The following MRRF variants were observed in gnomAD, a reference collection of about 807,000 sequenced individuals.
MRRF encodes ribosome-recycling factor, mitochondrial.
Under a neutral mutation model 25.1 loss-of-function variants are expected in MRRF, and 18 were observed. That is an observed-to-expected ratio of 0.72 (90% CI 0.50 to 1.06). The LOEUF (loss-of-function observed/expected upper bound fraction) is 1.06, where lower values mean the gene tolerates loss of function less well. MRRF is among the 50% of genes least tolerant of loss of function. The pLI is 0.00. For synonymous variants in MRRF, 113 were observed against 112.1 expected, an observed-to-expected ratio of 1.01 and a Z score of -0.05; for missense variants, 323 against 319.3, an observed-to-expected ratio of 1.01 and a Z score of -0.09.
chr9:122,287,080 C>T (rs974804865), intron 4 of MRRF, among the ~76,000 whole-genome samples: 7 of 152,206 alleles, frequency 4.6e-5, no homozygotes, highest in East Asian at 1.9e-4. Flanking sequence ...ATGGCTTAAA[C>T]GTCACTTTCT....
chr9:122,308,926 G>A (rs1223734941), intron 5 of MRRF, among the ~76,000 whole-genome samples: 1 of 152,066 alleles, frequency 6.6e-6, no homozygotes, highest in African/African-American at 2.4e-5. Flanking sequence ...TTGTATTTTA[G>A]TCATTTTTTA....
rs1832412793 is a variant in MRRF, at chr9:122,270,962, G to C, written c.71G>C (p.Arg24Thr). ...TFRNYLAASI[R>T]PVSEVTLKTV... ...CGCAATTATCTTGCAGCCTCTATCA[G>C]ACCCGTTTCAGAAGTTACACTGAAG... Residue 24 changes from arginine (R) to threonine (T), a missense_variant, in exon 2 of 7, where the codon AGA (arginine) becomes ACA (threonine). Physicochemically the swap from Arg to Thr is moderately conservative, Grantham distance 71 (BLOSUM62 -1). Transcript: ENST00000344641. 6.2e-7 allele frequency: 1 copy of C among 1,614,014 alleles called. No homozygotes were observed. Among genetic ancestry groups the C allele is most frequent in the South Asian group, 1.1e-5 (1 of 91,086 alleles).
intron 4 of MRRF, among the ~76,000 whole-genome samples, chr9:122,289,081 A>G (rs1216081207): frequency 6.6e-6 from 1 of 152,214 alleles, no homozygotes; most frequent in Admixed American, 6.5e-5. Context: ...GAACATGACT[A>G]ATTCCCTGAG....
At chr9:122,266,869 C>T (rs180754411) in intron 1 of MRRF, among the ~76,000 whole-genome samples, 41 of 151,374 alleles carry the variant, frequency 2.7e-4, no homozygotes, top group South Asian at 4.2e-4. Flanking sequence ...GTCAGGGGGT[C>T]GAGACCATCC....
Position 122,322,705 on chromosome 9 carries a change from TACACAGAAG to T in MRRF, c.*91_*99del. On this transcript the variant is annotated 3_prime_UTR_variant, in exon 7 of 7. Coordinates refer to ENST00000344641, the MANE Select transcript of MRRF (RefSeq NM_138777.5). ...TTGGGACTTCTCTCCCTCCCCCATC[TACACAGAAG>T]ACTGTCACCATGCTGACAGAAGCCT... 8.7e-7 allele frequency: 1 copy of T among 1,150,150 alleles called. No homozygotes were observed. Among genetic ancestry groups the T allele is most frequent in the Non-Finnish European group, 1.3e-6 (1 of 771,620 alleles). The allele number at this position is 1,150,150 out of a possible 1,614,324, so 71.2% of individuals were successfully genotyped here.
At chr9:122,316,624 G>A (rs777963811) in intron 6 of MRRF, among the ~76,000 whole-genome samples, 34 of 151,722 alleles carry the variant, frequency 2.2e-4, no homozygotes, top group Non-Finnish European at 3.8e-4. Context: ...GTGTGTGTAC[G>A]TGTGCGTGCA....
At chr9:122,301,128 A>G (rs1181904692) in intron 5 of MRRF, among the ~76,000 whole-genome samples, 1 of 152,198 alleles carries the variant, frequency 6.6e-6, no homozygotes, top group Non-Finnish European at 1.5e-5. Context: ...GATAGGAAGG[A>G]GAATGCCACT....
intron 5 of MRRF, 57 bp downstream of exon 5, chr9:122,291,897 G>A: frequency 8.2e-7 from 1 of 1,221,550 alleles, no homozygotes; most frequent in Non-Finnish European, 1.2e-6. Flanking sequence ...TCCTTGGAAG[G>A]AAACCAACAA....
Position 122,322,548 on chromosome 9 carries a change from A to C in MRRF, c.720A>C (p.Gln240His). Residue 240 changes from glutamine (Q) to histidine (H), a missense_variant, in exon 7 of 7, where the codon CAA becomes CAC. Physicochemically the swap from Gln to His is conservative, Grantham distance 24 (BLOSUM62 0). Transcript: ENST00000344641. ...TIRLIEKQIS[Q>H]MADDTVAELD... Reference sequence around the variant, plus strand: ...ATTTTGTGTTCTTGCAGATCAGCCAAATGGCCGATGACACAGTGGCAGAAC... The same window carrying C: ...ATTTTGTGTTCTTGCAGATCAGCCACATGGCCGATGACACAGTGGCAGAAC... The C allele has an allele frequency of 1.9e-6, 3 of 1,614,166 alleles. No homozygotes were observed. The highest frequency in any genetic ancestry group is 2.5e-6 in the Non-Finnish European group (3 of 1,180,022).
chr9:122,279,645 A>G (rs1469174590), intron 2 of MRRF, among the ~76,000 whole-genome samples: 2 of 152,244 alleles, frequency 1.3e-5, no homozygotes, highest in Non-Finnish European at 2.9e-5. Context: ...CCTAGAATGT[A>G]TATGAAAAAT....
chr9:122,321,327 A>G (rs1835879575), intron 6 of MRRF, among the ~76,000 whole-genome samples: 1 of 152,194 alleles, frequency 6.6e-6, no homozygotes, highest in East Asian at 1.9e-4. Context: ...TCATATTAAC[A>G]CCCTATCCTT....
Position 122,330,170 on chromosome 9 carries a change from C to T in MRRF, c.*7553C>T, listed in dbSNP as rs775091855. On this transcript the variant is annotated 3_prime_UTR_variant, in exon 7 of 7. Coordinates refer to ENST00000344641, the MANE Select transcript of MRRF (RefSeq NM_138777.5). The surrounding 1 kb of genome is among the most constrained non-coding windows in gnomAD (Gnocchi z 4.2). ...AGTGACACTTAAGGGAGATTTACCTCCACTACTGGGAGTGTTAGTGTCTGT... is the reference window on the plus strand; with the variant it reads ...AGTGACACTTAAGGGAGATTTACCTTCACTACTGGGAGTGTTAGTGTCTGT... 1 of 152,376 alleles carries T rather than the reference C, an allele frequency of 6.6e-6. No individual in the cohort carries two copies. 9.4% of individuals were successfully genotyped at this position (152,376 alleles called of 1,614,324 possible).
Position 122,291,827 on chromosome 9 carries a change from G to A in MRRF, c.538G>A (p.Val180Ile), listed in dbSNP as rs1468614253. Residue 180 changes from valine to isoleucine, a missense_variant, in exon 5 of 7, where the codon GTA becomes ATA. Coordinates refer to ENST00000344641, the MANE Select transcript of MRRF (RefSeq NM_138777.5). Reference protein sequence around the residue: ...NPEVEGTLIRVPIPQVTREHR... With the variant: ...NPEVEGTLIRIPIPQVTREHR... ...AGAAGTGGAAGGGACGCTAATTCGG[G>A]TACCCATTCCCCAGTAAGTTTGGCT... The A allele has an allele frequency of 1.2e-6, 2 of 1,613,014 alleles. No homozygotes were observed. The highest frequency in any genetic ancestry group is 1.1e-5 in the South Asian group (1 of 91,068).
At chr9:122,311,548 C>G (rs1233186466) in intron 5 of MRRF, among the ~76,000 whole-genome samples, 3 of 152,110 alleles carry the variant, frequency 2.0e-5, no homozygotes, top group African/African-American at 4.8e-5. Flanking sequence ...GGCCAAATTA[C>G]CTATATTATG....
intron 2 of MRRF, among the ~76,000 whole-genome samples, chr9:122,273,942 A>G (rs917350412): frequency 2.6e-5 from 4 of 152,178 alleles, no homozygotes; most frequent in African/African-American, 9.7e-5. Flanking sequence ...GTTAACAGAC[A>G]TTTGGGTTGT....
intron 5 of MRRF, among the ~76,000 whole-genome samples, chr9:122,299,934 G>T (rs1281296994): frequency 6.6e-6 from 1 of 152,184 alleles, no homozygotes; most frequent in Non-Finnish European, 1.5e-5. Flanking sequence ...CTGTCACTGT[G>T]GGTATGTCAG....
rs1041889573 is a variant in MRRF, at chr9:122,327,099, A to G, written c.*4482A>G. 2 of 152,218 alleles carry G rather than the reference A, an allele frequency of 1.3e-5. No homozygotes were observed. The highest frequency in any genetic ancestry group is 2.4e-5 in the African/African-American group (1 of 41,440). The allele number at this position is 152,218 out of a possible 1,614,324, so 9.4% of individuals were successfully genotyped here. A position where few individuals can be genotyped will look rare whatever the true frequency, so the allele number is the denominator to read the frequency against. ...CAAGCTGTTCCTAATTAATGACTGCAAGTAAAATAGCATAGTACCTGGCAC... is the reference window on the plus strand; with the variant it reads ...CAAGCTGTTCCTAATTAATGACTGCGAGTAAAATAGCATAGTACCTGGCAC... On this transcript the variant is annotated 3_prime_UTR_variant, in exon 7 of 7. Coordinates refer to ENST00000344641, the MANE Select transcript of MRRF (RefSeq NM_138777.5).
chr9:122,300,718 C>T (rs1588057328), intron 5 of MRRF, among the ~76,000 whole-genome samples: 1 of 151,968 alleles, frequency 6.6e-6, no homozygotes, highest in African/African-American at 2.4e-5. Flanking sequence ...TCTTTTTTTC[C>T]CCTATCTTTT....
chr9:122,325,356 T>A lies in MRRF; in HGVS notation c.*2739T>A, dbSNP rs564040566. 4 of 152,278 alleles carry A rather than the reference T, an allele frequency of 2.6e-5. No individual in the cohort carries two copies. Among genetic ancestry groups the A allele is most frequent in the Admixed American group, 2.6e-4 (4 of 15,302 alleles). 9.4% of individuals were successfully genotyped at this position (152,278 alleles called of 1,614,324 possible). On this transcript the variant is annotated 3_prime_UTR_variant, in exon 7 of 7. Transcript: ENST00000344641. ...ATGATTACTCAATTTCAGTTGACAT[T>A]TATCAAAGAGTTTCTCTGTGACTCT...
Sources: gnomAD v4.1 joint callset for allele counts (sites outside exome capture counted in the v4.1 genomes callset) on GRCh38, gnomAD v4.1.1 for gene constraint, Gnocchi (gnomAD v3.1) non-coding constraint, MANE v1.5 for transcripts, NCBI Gene and HGNC (gene_info 2026-07-23, HGNC 2026-07-21) for gene names.